The following SLC5A10 variants were observed in gnomAD, a reference collection of about 807,000 sequenced individuals.
The protein encoded by SLC5A10 is sodium/mannose cotransporter SLC5A10.
In SLC5A10, 55 loss-of-function variants were observed where a neutral mutation model predicts 68.9. That is an observed-to-expected ratio of 0.80 (90% confidence interval 0.64 to 1.00). The LOEUF is 1.00. SLC5A10 is among the 50% of genes least tolerant of loss of function. SLC5A10 has a pLI of 0.00. For missense variants in SLC5A10, 732 were observed against 819.3 expected, an observed-to-expected ratio of 0.89 and a Z score of 1.30; for synonymous variants, 344 against 344.8, an observed-to-expected ratio of 1.00 and a Z score of 0.02.
Position 18,988,357 on chromosome 17 carries a change from C to T in SLC5A10, c.982+11368C>T, listed in dbSNP as rs912121198. On this transcript the variant is annotated intron_variant, in intron 9 of 14. Transcript: ENST00000395645. Reference sequence around the variant, plus strand: ...GCCACTTTCCTCTTGAAGCCGGCGTCCAGCAGGTCCTTGAAGATGTCCACG... The same window carrying T: ...GCCACTTTCCTCTTGAAGCCGGCGTTCAGCAGGTCCTTGAAGATGTCCACG... 5.6e-6 allele frequency: 9 copies of T among 1,614,122 alleles called. No individual in the cohort carries two copies. Among genetic ancestry groups the T allele is most frequent in the East Asian group, 2.2e-5 (1 of 44,904 alleles).
chr17:19,014,957 G>T, intron 10 of SLC5A10, 92 bp from the exon 11 acceptor site: 3 of 1,460,516 alleles, frequency 2.1e-6, no homozygotes, highest in Admixed American at 1.9e-5. Context: ...TGCAAATGGC[G>T]GGCGGGCCTC....
At chr17:18,979,434 C>T in intron 9 of SLC5A10, 2 of 1,347,178 alleles carry the variant, frequency 1.5e-6, no homozygotes, top group Non-Finnish European at 2.0e-6. Context: ...CCTGCGCACA[C>T]CTCAGCAGCC....
chr17:19,022,549 CTG>C lies in SLC5A10; in HGVS notation c.*2120_*2121del, dbSNP rs2044280757. ...AAGCCATGAGAATGGGCCTTATAAA[CTG>C]TAAAGTGACGTGCAGCTAAGAGTCG... On this transcript the variant is annotated 3_prime_UTR_variant, in exon 15 of 15. Coordinates refer to ENST00000395645, the MANE Select transcript of SLC5A10 (RefSeq NM_001042450.4). The C allele has an allele frequency of 5.5e-6, 1 of 181,854 alleles. No individual in the cohort carries two copies. Among genetic ancestry groups the C allele is most frequent in the South Asian group, 2.0e-4 (1 of 5,104 alleles). The allele number at this position is 181,854 out of a possible 1,614,324, so 11.3% of individuals were successfully genotyped here. A position where few individuals can be genotyped will look rare whatever the true frequency, so the allele number is the denominator to read the frequency against.
At chr17:18,951,288 AC>A (rs2042364162), upstream of SLC5A10, among the ~76,000 whole-genome samples, 2 of 152,234 alleles carry the variant, frequency 1.3e-5, no homozygotes, top group African/African-American at 4.8e-5. Flanking sequence ...CGTCACTGTC[AC>A]TGCGGTGGAG....
At chr17:18,981,163 T>G (rs1227394713) in intron 9 of SLC5A10, among the ~76,000 whole-genome samples, 1 of 152,068 alleles carries the variant, frequency 6.6e-6, no homozygotes, top group Non-Finnish European at 1.5e-5. Context: ...ACAAGCTGAA[T>G]GCCCAGGATC....
At chr17:18,976,786 C>T (rs920358449) in intron 8 of SLC5A10, 68 bp from the exon 9 acceptor site, 4 of 1,586,076 alleles carry the variant, frequency 2.5e-6, no homozygotes, top group Non-Finnish European at 2.6e-6. Flanking sequence ...CTGAGGCCCA[C>T]CAAGGACCAA....
chr17:18,973,898 T>C (rs2042916811), intron 8 of SLC5A10, among the ~76,000 whole-genome samples: 1 of 147,268 alleles, frequency 6.8e-6, no homozygotes, highest in Admixed American at 6.8e-5. Flanking sequence ...TTTTTTTTTT[T>C]TTTTTTTTCC....
At chr17:19,009,520 T>A (rs1482712744) in intron 9 of SLC5A10, among the ~76,000 whole-genome samples, 1 of 152,214 alleles carries the variant, frequency 6.6e-6, no homozygotes. Context: ...TCTGCCTGAC[T>A]GAGAACTGGA....
chr17:19,009,421 A>G (rs1229938376), intron 9 of SLC5A10, among the ~76,000 whole-genome samples: 1 of 151,956 alleles, frequency 6.6e-6, no homozygotes, highest in East Asian at 1.9e-4. Context: ...GGGTCTCCCT[A>G]TATTGGTCAG....
intron 13 of SLC5A10, 101 bp downstream of exon 13, chr17:19,020,029 A>T (rs2044231455): frequency 7.0e-7 from 1 of 1,434,770 alleles, no homozygotes; most frequent in Non-Finnish European, 9.6e-7. Flanking sequence ...CTAGCCCTGG[A>T]CTACCTAGCC....
chr17:18,988,142 C>T, intron 9 of SLC5A10: 1 of 1,493,914 alleles, frequency 6.7e-7, no homozygotes, highest in Admixed American at 2.0e-5. Flanking sequence ...CTCTGAGTGC[C>T]TGGCACAGGA....
At position 18,959,197 on chromosome 17, in the gene SLC5A10, AGGCGC is replaced by A. The variant is rs770103114; in HGVS notation, c.250_254del (p.Ala84ArgfsTer37). ...GCCTCTTCATTGGACTGGCGGGCTC[AGGCGC>A]GGCAGGAGGTCTGGCCGTGGCAGGC... On this transcript the variant is annotated frameshift_variant, in exon 3 of 15. Transcript: ENST00000395645. LOFTEE classifies it high-confidence loss of function. The A allele has an allele frequency of 6.2e-7, 1 of 1,613,080 alleles. No individual in the cohort carries two copies. The highest frequency in any genetic ancestry group is 1.1e-5 in the South Asian group (1 of 91,058).
At chr17:18,952,411 T>C (rs982764868) in intron 1 of SLC5A10, 95 bp downstream of exon 1, 5 of 1,447,986 alleles carry the variant, frequency 3.5e-6, no homozygotes, top group Admixed American at 4.1e-5. Context: ...GGTGTCAGCA[T>C]TGGTCCCAGC....
chr17:19,004,166 C>T lies in SLC5A10; in HGVS notation c.983-9244C>T, dbSNP rs977696543. 3 of 768,146 alleles carry T rather than the reference C, an allele frequency of 3.9e-6. No individual in the cohort carries two copies. The highest frequency in any genetic ancestry group is 5.5e-6 in the Non-Finnish European group (3 of 544,890). 47.6% of individuals were successfully genotyped at this position (768,146 alleles called of 1,614,324 possible). A position where few individuals can be genotyped will look rare whatever the true frequency, so the allele number is the denominator to read the frequency against. On this transcript the variant is annotated intron_variant, in intron 9 of 14. Transcript: ENST00000395645. The surrounding 1 kb of genome is among the most constrained non-coding windows in gnomAD (Gnocchi z 5.4). Reference sequence around the variant, plus strand: ...CGGCCTCTGCTTCTCTGCCCATGAGCAATCTGCGGGAAAGACCTGATGAGC... The same window carrying T: ...CGGCCTCTGCTTCTCTGCCCATGAGTAATCTGCGGGAAAGACCTGATGAGC...
intron 5 of SLC5A10, among the ~76,000 whole-genome samples, chr17:18,961,458 T>G (rs1245916620): frequency 6.6e-6 from 1 of 152,056 alleles, no homozygotes; most frequent in African/African-American, 2.4e-5. Context: ...CGGCAGACCT[T>G]GTCTCCTAGG....
At chr17:18,985,424 C>A (rs866972713) in intron 9 of SLC5A10, among the ~76,000 whole-genome samples, 67 of 152,216 alleles carry the variant, frequency 4.4e-4, no homozygotes, top group African/African-American at 1.5e-3. Context: ...ATGACCCTAC[C>A]AGAAAACCTG....
At chr17:19,002,163 C>T (rs1266626213) in intron 9 of SLC5A10, among the ~76,000 whole-genome samples, 3 of 152,216 alleles carry the variant, frequency 2.0e-5, no homozygotes, top group South Asian at 2.1e-4. Flanking sequence ...TTTTGTCACC[C>T]GATATTCCAT....
intron 9 of SLC5A10, among the ~76,000 whole-genome samples, chr17:18,987,943 C>T (rs1485618639): frequency 1.3e-5 from 2 of 152,192 alleles, no homozygotes; most frequent in African/African-American, 4.8e-5. Context: ...AACAGATAAC[C>T]GATGTGGCAT....
At chr17:19,016,120 C>T (rs1447185006) in intron 11 of SLC5A10, among the ~76,000 whole-genome samples, 1 of 151,694 alleles carries the variant, frequency 6.6e-6, no homozygotes, top group Non-Finnish European at 1.5e-5. Context: ...ATCTTGGCTC[C>T]CTGCGACCTC....
Sources: gnomAD v4.1 joint callset for allele counts (sites outside exome capture counted in the v4.1 genomes callset) on GRCh38, gnomAD v4.1.1 for gene constraint, Gnocchi (gnomAD v3.1) non-coding constraint, MANE v1.5 for transcripts, NCBI Gene and HGNC (gene_info 2026-07-23, HGNC 2026-07-21) for gene names.